RCOR1: variants seen among roughly 807,000 people sequenced by gnomAD.
The protein encoded by RCOR1 is REST corepressor 1, also known as REST corepressor.
A neutral mutation model predicts 64.0 loss-of-function variants in RCOR1; 12 were observed. The observed-to-expected ratio is 0.19, with a 90% confidence interval of 0.12 to 0.30. The LOEUF is 0.30. RCOR1 is among the 10% of genes least tolerant of loss of function. The pLI, the probability that RCOR1 is intolerant of heterozygous loss-of-function variation, is 1.00. For synonymous variants in RCOR1, 279 were observed against 227.2 expected (o/e 1.23, Z -2.05); for missense variants, 502 against 621.2 (o/e 0.81, Z 2.04).
chr14:102,678,559 TGGGATTACAGG>T (rs1895238522), intron 2 of RCOR1, among the ~76,000 whole-genome samples: 1 of 152,130 alleles, frequency 6.6e-6, no homozygotes, highest in Non-Finnish European at 1.5e-5. Context: ...CCCAAAGTGC[TGGGATTACAGG>T]CGTGAGTCAC....
chr14:102,640,081 G>A (rs1894335315), intron 2 of RCOR1, among the ~76,000 whole-genome samples: 1 of 152,220 alleles, frequency 6.6e-6, no homozygotes, highest in African/African-American at 2.4e-5. Context: ...CCAACCTCAG[G>A]TGATCCGCCT....
At chr14:102,639,989 G>A (rs966472178) in intron 2 of RCOR1, among the ~76,000 whole-genome samples, 1 of 152,272 alleles carries the variant, frequency 6.6e-6, no homozygotes, top group South Asian at 2.1e-4. Context: ...GGGATTACAG[G>A]CATCTGCCAC....
rs1366368883 is a variant in RCOR1 at position 102,593,040 on chromosome 14, TCCTCAGCCTCGGCCGCCGCCG to T, written c.163_183del (p.Ser55_Ala61del). The T allele has an allele frequency of 7.7e-6, 10 of 1,301,124 alleles. No homozygotes were observed. Among genetic ancestry groups the T allele is most frequent in the South Asian group, 4.4e-5 (2 of 45,902 alleles). The allele number at this position is 1,301,124 out of a possible 1,614,324, so 80.6% of individuals were successfully genotyped here. On this transcript the variant is annotated inframe_deletion, in exon 1 of 12. Transcript: ENST00000262241. ...CACTGCCGCCTCGGGCGCCGCCGCC[TCCTCAGCCTCGGCCGCCGCCG>T]CCTCAGCCGCCGCCGCCCCCAATAA... is the stretch of plus-strand genomic sequence containing the variant.
At chr14:102,644,700 CTT>C (rs1446006244) in intron 2 of RCOR1, among the ~76,000 whole-genome samples, 2 of 152,210 alleles carry the variant, frequency 1.3e-5, no homozygotes, top group African/African-American at 4.8e-5. Context: ...CTTCCTCTGA[CTT>C]AAAATGGCAG....
At chr14:102,619,104 A>ATCTGTCTGTCTGTCTGTCTGTCTG (rs71119723) in intron 2 of RCOR1, among the ~76,000 whole-genome samples, 2 of 151,410 alleles carry the variant, frequency 1.3e-5, no homozygotes, top group African/African-American at 4.9e-5. Flanking sequence ...TAGCTAAAGG[A>ATCTGTCTGTCTGTCTGTCTGTCTG]TCTGTCTGTC....
chr14:102,663,561 G>T (rs568897067), intron 2 of RCOR1, among the ~76,000 whole-genome samples: 1 of 152,260 alleles, frequency 6.6e-6, no homozygotes, highest in Admixed American at 6.5e-5. Context: ...GATAATCTGG[G>T]CTCTCTGTAT....
At position 102,592,909 on chromosome 14, in the gene RCOR1, GC is replaced by G; in HGVS notation, c.27del (p.Glu10ArgfsTer96). 8.0e-7 allele frequency: 1 copy of G among 1,243,688 alleles called. No homozygotes were observed. Among genetic ancestry groups the G allele is most frequent in the Non-Finnish European group, 1.0e-6 (1 of 987,638 alleles). The allele number at this position is 1,243,688 out of a possible 1,614,324, so 77.0% of individuals were successfully genotyped here. ...CCGATGCCGGCCATGGTGGAGAAGG[GC>G]CCCGAGGTCTCAGGGAAGCGGAGAG... MPAMVEK[G>X]PEVSGKRRGR... On this transcript the variant is annotated frameshift_variant, in exon 1 of 12. Coordinates refer to ENST00000262241, the MANE Select transcript of RCOR1 (RefSeq NM_015156.4). LOFTEE classifies it high-confidence loss of function.
chr14:102,691,597 G>T (rs1467244536), intron 3 of RCOR1, among the ~76,000 whole-genome samples: 2 of 152,194 alleles, frequency 1.3e-5, no homozygotes, highest in Admixed American at 6.5e-5. Flanking sequence ...TGATTAAAAT[G>T]AGTCTTTTGA....
chr14:102,683,454 G>A (rs1423009915), intron 3 of RCOR1, among the ~76,000 whole-genome samples: 3 of 152,226 alleles, frequency 2.0e-5, no homozygotes, highest in Non-Finnish European at 4.4e-5. Flanking sequence ...TTCAGAATTG[G>A]AGAGGTGGAG....
At chr14:102,606,654 T>C (rs1465637173) in intron 2 of RCOR1, among the ~76,000 whole-genome samples, 1 of 149,118 alleles carries the variant, frequency 6.7e-6, no homozygotes, top group Non-Finnish European at 1.5e-5. Flanking sequence ...GGAGGGGAGA[T>C]AGGGTCTCAC....
Position 102,647,599 on chromosome 14 carries a change from G to A in RCOR1, c.362-34296G>A, listed in dbSNP as rs374709895. ...CTCCCAAAGTGCTGGGATTACAGGC[G>A]TGAGCCACTGCACCTGGCCCAATTT... On this transcript the variant is annotated intron_variant, in intron 2 of 11. Coordinates refer to ENST00000262241, the MANE Select transcript of RCOR1 (RefSeq NM_015156.4). Among the ~76,000 whole-genome samples the A allele has an allele frequency of 1.7e-4, 26 of 152,218 alleles. No individual in the cohort carries two copies. The South Asian group carries it at 3.9e-3, about 23-fold the overall frequency.
At chr14:102,681,323 T>C (rs376971889) in intron 2 of RCOR1, among the ~76,000 whole-genome samples, 6 of 152,176 alleles carry the variant, frequency 3.9e-5, no homozygotes, top group African/African-American at 1.4e-4. Context: ...TCTGAAGATA[T>C]GTGTATTGTA....
At chr14:102,607,152 C>T (rs1595191729) in intron 2 of RCOR1, among the ~76,000 whole-genome samples, 1 of 152,062 alleles carries the variant, frequency 6.6e-6, no homozygotes, top group Middle Eastern at 3.4e-3. Flanking sequence ...AGGCTGGTCT[C>T]GAACTTCTAA....
At chr14:102,632,671 TTCC>T (rs1894144504) in intron 2 of RCOR1, among the ~76,000 whole-genome samples, 1 of 40,652 alleles carries the variant, frequency 2.5e-5, no homozygotes, top group African/African-American at 7.1e-5. Context: ...TTCCTTTCCT[TTCC>T]TTTCCTTTTC....
intron 2 of RCOR1, among the ~76,000 whole-genome samples, chr14:102,645,474 C>G (rs907020600): frequency 6.6e-6 from 1 of 152,146 alleles, no homozygotes; most frequent in African/African-American, 2.4e-5. Context: ...ACAGGGGACC[C>G]TTTTCCTGTA....
In RCOR1 at chr14:102,592,703, C is replaced by G; in HGVS notation, c.-184C>G. ...AGCGAAAGTTGCGCTCGGCTCGTCG[C>G]TGGGGGCTTGAAGCGGCTCCGCGCT... On this transcript the variant is annotated 5_prime_UTR_variant, in exon 1 of 12. Transcript: ENST00000262241. 3.3e-6 allele frequency: 4 copies of G among 1,227,418 alleles called. No homozygotes were observed. The highest frequency in any genetic ancestry group is 4.1e-6 in the Non-Finnish European group (4 of 985,202). 76.0% of individuals were successfully genotyped at this position (1,227,418 alleles called of 1,614,324 possible).
intron 2 of RCOR1, among the ~76,000 whole-genome samples, chr14:102,677,167 C>A (rs1387541352): frequency 7.0e-6 from 1 of 142,272 alleles, no homozygotes; most frequent in Non-Finnish European, 1.6e-5. Context: ...GCTGACCCCC[C>A]CCCACCTCCC....
chr14:102,616,130 C>T (rs1893754160), intron 2 of RCOR1, among the ~76,000 whole-genome samples: 1 of 151,992 alleles, frequency 6.6e-6, no homozygotes, highest in Non-Finnish European at 1.5e-5. Flanking sequence ...TCCTTGACTT[C>T]AATTACTTTG....
At chr14:102,638,351 T>G (rs925820693) in intron 2 of RCOR1, among the ~76,000 whole-genome samples, 3 of 152,250 alleles carry the variant, frequency 2.0e-5, no homozygotes, top group African/African-American at 7.2e-5. Flanking sequence ...ACCGTATTCT[T>G]ACCTTTATAG....
Sources: gnomAD v4.1 joint callset for allele counts (sites outside exome capture counted in the v4.1 genomes callset) on GRCh38, gnomAD v4.1.1 for gene constraint, MANE v1.5 for transcripts, NCBI Gene and HGNC (gene_info 2026-07-23, HGNC 2026-07-21) for gene names.